The following MTRFR variants were observed in gnomAD, a reference collection of about 807,000 sequenced individuals.
The protein encoded by MTRFR is probable peptide chain release factor C12orf65, mitochondrial.
In MTRFR, 10 loss-of-function variants were observed where a neutral mutation model predicts 11.9. The observed-to-expected ratio is 0.84, with a 90% confidence interval of 0.52 to 1.42. The LOEUF is 1.42. MTRFR is among the 40% of genes most tolerant of loss of function. The pLI is 0.00. For synonymous variants in MTRFR, 77 were observed against 79.1 expected (o/e 0.97, Z 0.14); for missense variants, 196 against 197.9 (o/e 0.99, Z 0.06).
intron 1 of MTRFR, among the ~76,000 whole-genome samples, chr12:123,246,769 C>T (rs555131533): frequency 5.1e-4 from 52 of 101,804 alleles, no homozygotes; most frequent in African/African-American, 1.7e-3. Context: ...CTCGCTCTGT[C>T]GCCCAGGCTG....
chr12:123,251,024 G>A (rs73417348), intron 1 of MTRFR: 5,569 of 152,322 alleles, frequency 0.037, 321 homozygotes, highest in African/African-American at 0.13. Context: ...CTGCTGTAGG[G>A]AATGTGGGTG....
chr12:123,234,919 CAT>C (rs1252106020), intron 1 of MTRFR, among the ~76,000 whole-genome samples: 2 of 152,148 alleles, frequency 1.3e-5, no homozygotes, highest in East Asian at 3.9e-4. Context: ...CACCAAATAA[CAT>C]GTTTTCAGTA....
intron 1 of MTRFR, among the ~76,000 whole-genome samples, chr12:123,239,248 G>A (rs1430695475): frequency 3.3e-5 from 5 of 152,220 alleles, no homozygotes; most frequent in Admixed American, 6.5e-5. Flanking sequence ...CAGCCTGGGT[G>A]ATGGAGCCAG....
intron 1 of MTRFR, among the ~76,000 whole-genome samples, chr12:123,251,856 G>C (rs1235584286): frequency 6.6e-6 from 1 of 152,140 alleles, no homozygotes; most frequent in Non-Finnish European, 1.5e-5. Context: ...TGTCTGCTAT[G>C]ATCCCAGGAG....
rs1308922383 is a variant in MTRFR, at chr12:123,256,918, GA to G, written c.393del (p.Lys131AsnfsTer45). On this transcript the variant is annotated frameshift_variant, in exon 3 of 3. Transcript: ENST00000253233. LOFTEE classifies it high-confidence loss of function. ...YNGENSPVHK[E>X]KREAAKKKQE... ...TGGTGAAAACAGTCCTGTTCACAAAGAAAAACGAGAAGCGGCGAAGAAAAAA... is the reference window on the plus strand; with the variant it reads ...TGGTGAAAACAGTCCTGTTCACAAAGAAAACGAGAAGCGGCGAAGAAAAAA... 13 of 1,613,496 alleles carry G rather than the reference GA, an allele frequency of 8.1e-6. No individual in the cohort carries two copies. The highest frequency in any genetic ancestry group is 1.1e-5 in the Non-Finnish European group (13 of 1,179,872).
intron 1 of MTRFR, among the ~76,000 whole-genome samples, chr12:123,240,237 G>T (rs578223554): frequency 6.6e-6 from 1 of 151,800 alleles, no homozygotes; most frequent in Admixed American, 6.6e-5. Flanking sequence ...AGCTGGACGT[G>T]GTGGTGGGCA....
intron 2 of MTRFR, 189 bp downstream of exon 2, chr12:123,254,145 C>A: frequency 1.6e-6 from 1 of 644,156 alleles, no homozygotes; most frequent in Non-Finnish European, 2.6e-6. Context: ...CTCCCTAAGG[C>A]AGAACCTCCT....
At chr12:123,239,421 T>G (rs908315264) in intron 1 of MTRFR, among the ~76,000 whole-genome samples, 2 of 152,108 alleles carry the variant, frequency 1.3e-5, no homozygotes, top group African/African-American at 4.8e-5. Context: ...TTTGTTTTTT[T>G]GAGACAGAGT....
intron 1 of MTRFR, among the ~76,000 whole-genome samples, chr12:123,234,399 G>C (rs2138731308): frequency 6.6e-6 from 1 of 151,698 alleles, no homozygotes; most frequent in Non-Finnish European, 1.5e-5. Context: ...ATTTTTGTGG[G>C]GGAGGGGGGT....
chr12:123,247,736 G>A (rs1169005922), intron 1 of MTRFR, among the ~76,000 whole-genome samples: 1 of 152,142 alleles, frequency 6.6e-6, no homozygotes, highest in Admixed American at 6.5e-5. Context: ...ATGAGGTCAG[G>A]AGATCAAGAC....
At chr12:123,244,019 AG>A (rs1453873769) in intron 1 of MTRFR, 2 of 152,166 alleles carry the variant, frequency 1.3e-5, no homozygotes, top group Admixed American at 1.3e-4. Context: ...CTGGATGTCC[AG>A]TTACCTTAGA....
intron 1 of MTRFR, chr12:123,253,265 C>G: frequency 3.6e-6 from 1 of 277,824 alleles, no homozygotes; most frequent in Non-Finnish European, 7.1e-6. Context: ...GTCTTGAACT[C>G]CTGACCTTGT....
At chr12:123,239,869 A>G (rs1188763529) in intron 1 of MTRFR, among the ~76,000 whole-genome samples, 2 of 151,838 alleles carry the variant, frequency 1.3e-5, no homozygotes, top group Admixed American at 6.6e-5. Flanking sequence ...TTTTCTTGGG[A>G]CGATTTCCTT....
At chr12:123,239,604 G>T (rs1367470182) in intron 1 of MTRFR, among the ~76,000 whole-genome samples, 1 of 151,880 alleles carries the variant, frequency 6.6e-6, no homozygotes, top group Admixed American at 6.6e-5. Context: ...GGGTTTCACC[G>T]TGTTAGCCAG....
intron 1 of MTRFR, chr12:123,248,359 A>T (rs1479864219): frequency 3.3e-5 from 5 of 152,462 alleles, no homozygotes; most frequent in Admixed American, 2.6e-4. Context: ...GTTTTCCTTT[A>T]TAGGTTACCT....
chr12:123,255,438 C>A (rs747874366), intron 2 of MTRFR, among the ~76,000 whole-genome samples: 7 of 152,004 alleles, frequency 4.6e-5, no homozygotes, highest in Non-Finnish European at 1.0e-4. Flanking sequence ...CAGAATTATT[C>A]TTTAACCCTA....
chr12:123,243,235 A>ATTT (rs35389455), intron 1 of MTRFR, among the ~76,000 whole-genome samples: 31 of 147,976 alleles, frequency 2.1e-4, no homozygotes, highest in Non-Finnish European at 2.2e-4. Context: ...TTTTAAAACA[A>ATTT]TTTTTTTTTT....
rs539202823 is a variant in MTRFR at position 123,245,094 on chromosome 12, G to A, written c.-28-8553G>A. The stretch of plus-strand genomic sequence containing the variant: ...CTCCCGAGTAGCTGGGATTACATGC[G>A]CCCACCACTGCGCCCGGCTAATTTT... On this transcript the variant is annotated intron_variant, in intron 1 of 2. Coordinates refer to ENST00000253233, the MANE Select transcript of MTRFR (RefSeq NM_152269.5). Among the ~76,000 whole-genome samples, 3 of 151,566 alleles carry A rather than the reference G, an allele frequency of 2.0e-5. 1 individual carries two copies. The highest frequency in any genetic ancestry group is 1.5e-5 in the Non-Finnish European group (1 of 67,884).
rs1037344322 is a variant in MTRFR at position 123,257,735 on chromosome 12, G to T, written c.*704G>T. On this transcript the variant is annotated 3_prime_UTR_variant, in exon 3 of 3. Transcript: ENST00000253233. ...TAAGATAAAACCATAAAGAAACACA[G>T]TCAGTACTATACAAGAATAATGGCT... is the stretch of plus-strand genomic sequence containing the variant. 6.6e-6 allele frequency: 1 copy of T among 151,210 alleles called. No homozygotes were observed. Among genetic ancestry groups the T allele is most frequent in the Non-Finnish European group, 1.5e-5 (1 of 68,066 alleles). The allele number at this position is 151,210 out of a possible 1,614,324, so 9.4% of individuals were successfully genotyped here.
Sources: gnomAD v4.1 joint callset for allele counts (sites outside exome capture counted in the v4.1 genomes callset) on GRCh38, gnomAD v4.1.1 for gene constraint, MANE v1.5 for transcripts, NCBI Gene and HGNC (gene_info 2026-07-23, HGNC 2026-07-21) for gene names.